Variants in ABCB11 observed in about 807,000 individuals in gnomAD.
ABCB11 encodes the protein bile salt export pump.
ABCB11 carries 95 observed loss-of-function variants against 148.0 expected under a neutral mutation model. That is an observed-to-expected ratio of 0.64 (90% CI 0.54 to 0.76). The LOEUF is 0.76. ABCB11 is among the 30% of genes least tolerant of loss of function. The pLI, the probability that ABCB11 is intolerant of heterozygous loss-of-function variation, is 0.00. For synonymous variants in ABCB11, 591 were observed against 555.4 expected (o/e 1.06, Z -0.90); for missense variants, 1,523 against 1,617.8 (o/e 0.94, Z 1.01).
At chr2:168,916,656 C>T (rs2105865562), downstream of ABCB11, among the ~76,000 whole-genome samples, 1 of 152,350 alleles carries the variant, frequency 6.6e-6, no homozygotes, top group African/African-American at 2.4e-5. Flanking sequence ...GAGTTACTTT[C>T]ACCTGCCGTC....
intron 5 of ABCB11, among the ~76,000 whole-genome samples, chr2:169,003,319 G>GGT (rs751149363): frequency 2.9e-5 from 4 of 140,076 alleles, no homozygotes; most frequent in Admixed American, 7.1e-5. Flanking sequence ...AGTATTCCAT[G>GGT]GTGCGTGTGT....
At chr2:168,927,057 G>GCT (rs1691346417) in intron 26 of ABCB11, 99 bp downstream of exon 26, 3 of 1,189,586 alleles carry the variant, frequency 2.5e-6, no homozygotes, top group African/African-American at 3.1e-5. Context: ...TTTTGGATTT[G>GCT]GGATTTTCAG....
intron 1 of ABCB11, among the ~76,000 whole-genome samples, chr2:169,025,229 G>C (rs1019080513): frequency 6.6e-6 from 1 of 152,134 alleles, no homozygotes; most frequent in Non-Finnish European, 1.5e-5. Context: ...AGAGGACAGT[G>C]GTGTAGTGTC....
At chr2:169,029,724 CTTTTTTTT>C (rs1166356679) in intron 1 of ABCB11, among the ~76,000 whole-genome samples, 1,641 of 88,242 alleles carry the variant, frequency 0.019, 46 homozygotes, top group African/African-American at 0.03. Context: ...GTTCTTTCCT[CTTTTTTTT>C]TTTTTTTTTT....
rs200829550 is a variant in ABCB11, at chr2:168,944,597, T to G, written c.2610+8A>C. On this transcript the variant is annotated splice_region_variant and intron_variant, in intron 21 of 27. Coordinates refer to ENST00000650372, the MANE Select transcript of ABCB11 (RefSeq NM_003742.4). The stretch of plus-strand genomic sequence containing the variant: ...TAATATACTTCTATTTCCCCTCCCA[T>G]AGCTCACCCCTTGAACTTGGGAAGC... 2 of 1,594,070 alleles carry G rather than the reference T, an allele frequency of 1.3e-6. No individual in the cohort carries two copies. The highest frequency in any genetic ancestry group is 4.5e-5 in the East Asian group (2 of 44,572).
chr2:169,026,416 G>A (rs985704878), intron 1 of ABCB11, among the ~76,000 whole-genome samples: 1 of 152,156 alleles, frequency 6.6e-6, no homozygotes, highest in Non-Finnish European at 1.5e-5. Flanking sequence ...TTATCTTTGG[G>A]CAGCTTAGAA....
intron 1 of ABCB11, among the ~76,000 whole-genome samples, chr2:169,020,110 T>C (rs1330980093): frequency 6.6e-6 from 1 of 152,196 alleles, no homozygotes; most frequent in African/African-American, 2.4e-5. Flanking sequence ...CTACACAGTA[T>C]GTAGATATGA....
chr2:168,965,237 C>T (rs1221116730), intron 17 of ABCB11, among the ~76,000 whole-genome samples: 1 of 151,706 alleles, frequency 6.6e-6, no homozygotes. Flanking sequence ...GACAGGGTTG[C>T]TTGCTGAATA....
intron 21 of ABCB11, 45 bp downstream of exon 21, chr2:168,944,560 T>G (rs564465398): frequency 1.3e-6 from 2 of 1,529,498 alleles, no homozygotes; most frequent in Non-Finnish European, 1.8e-6. Context: ...AATGAAAGAA[T>G]GCCAATGCAG....
intron 5 of ABCB11, among the ~76,000 whole-genome samples, chr2:169,006,147 C>T (rs1352706197): frequency 6.6e-6 from 1 of 152,106 alleles, no homozygotes; most frequent in African/African-American, 2.4e-5. Context: ...AAAATCTTCA[C>T]TAAATACAAA....
intron 1 of ABCB11, among the ~76,000 whole-genome samples, chr2:169,025,294 A>G (rs769226026): frequency 2.6e-5 from 4 of 152,140 alleles, no homozygotes; most frequent in African/African-American, 9.7e-5. Flanking sequence ...GCTTCACTCT[A>G]CGTAGTTGGA....
chr2:169,028,176 C>T (rs1299436625), intron 1 of ABCB11, among the ~76,000 whole-genome samples: 1 of 151,818 alleles, frequency 6.6e-6, no homozygotes, highest in Non-Finnish European at 1.5e-5. Context: ...AGCCTGAGGC[C>T]CAGGAAGAAA....
In ABCB11 at chr2:168,930,783, C is replaced by G. The variant is rs1483395370; in HGVS notation, c.3293G>C (p.Gly1098Ala). 6.2e-7 allele frequency: 1 copy of G among 1,613,730 alleles called. No individual in the cohort carries two copies. Among genetic ancestry groups the G allele is most frequent in the Non-Finnish European group, 8.5e-7 (1 of 1,179,774 alleles). The change falls in exon 25 of 28, where the codon GGT (glycine) becomes GCT (alanine). Residue 1098 changes from glycine (G) to alanine (A), a missense_variant. By Grantham distance (60) the Gly-to-Ala change is moderately conservative. Coordinates refer to ENST00000650372, the MANE Select transcript of ABCB11 (RefSeq NM_003742.4). ...PSRPDSQVLN[G>A]LSVSISPGQT... Reference sequence around the variant, plus strand: ...CCCTGGACTAATCGACACTGAGAGACCATTCAGAACTTGCGAGTCAGGTCG... The same window carrying G: ...CCCTGGACTAATCGACACTGAGAGAGCATTCAGAACTTGCGAGTCAGGTCG...
chr2:168,930,593 C>T (rs1691520761), intron 25 of ABCB11, 72 bp downstream of exon 25: 1 of 1,286,944 alleles, frequency 7.8e-7, no homozygotes, highest in African/African-American at 1.5e-5. Flanking sequence ...AAAGCAAAAA[C>T]TTGAAGCCCA....
intron 21 of ABCB11, among the ~76,000 whole-genome samples, chr2:168,943,844 T>C (rs1692180495): frequency 6.6e-6 from 1 of 152,064 alleles, no homozygotes. Flanking sequence ...AAATTGTACT[T>C]AAAATTTTTT....
At chr2:169,024,528 A>ATGTCTTACATTATTAGTAT in intron 1 of ABCB11, among the ~76,000 whole-genome samples, 1 of 152,186 alleles carries the variant, frequency 6.6e-6, no homozygotes, top group Non-Finnish European at 1.5e-5. Context: ...ATTAGTATTA[A>ATGTCTTACATTATTAGTAT]TGTCTTACAT....
intron 19 of ABCB11, among the ~76,000 whole-genome samples, chr2:168,950,128 CATAT>C (rs199752613): frequency 1.1e-4 from 16 of 146,402 alleles, no homozygotes; most frequent in East Asian, 4.1e-4. Context: ...CTATTACTCC[CATAT>C]ATATATATAC....
At chr2:169,028,637 T>C (rs1240972991) in intron 1 of ABCB11, among the ~76,000 whole-genome samples, 2 of 152,080 alleles carry the variant, frequency 1.3e-5, no homozygotes, top group African/African-American at 4.8e-5. Flanking sequence ...CACTGAGAAC[T>C]TGGGACCTTA....
At chr2:169,021,995 T>A (rs1462903964) in intron 1 of ABCB11, among the ~76,000 whole-genome samples, 1 of 151,994 alleles carries the variant, frequency 6.6e-6, no homozygotes, top group Non-Finnish European at 1.5e-5. Flanking sequence ...CACACACACA[T>A]ATACTCAGTA....
Sources: gnomAD v4.1 joint callset for allele counts (sites outside exome capture counted in the v4.1 genomes callset) on GRCh38, gnomAD v4.1.1 for gene constraint, MANE v1.5 for transcripts, NCBI Gene and HGNC (gene_info 2026-07-23, HGNC 2026-07-21) for gene names.